UBTD2: variants seen among roughly 807,000 people sequenced by gnomAD.
UBTD2 encodes ubiquitin domain-containing protein 2.
Under a neutral mutation model 19.8 loss-of-function variants are expected in UBTD2, and 9 were observed. That is an observed-to-expected ratio of 0.46 (90% CI 0.27 to 0.79). The LOEUF (loss-of-function observed/expected upper bound fraction) is 0.79, where lower values mean the gene tolerates loss of function less well. UBTD2 is among the 30% of genes least tolerant of loss of function. UBTD2 has a pLI of 0.14. For synonymous variants in UBTD2, 98 were observed against 103.9 expected (o/e 0.94, Z 0.35); for missense variants, 250 against 300.4 (o/e 0.83, Z 1.24).
intron 2 of UBTD2, among the ~76,000 whole-genome samples, chr5:172,227,271 G>A (rs757388309): frequency 1.3e-5 from 2 of 152,170 alleles, no homozygotes; most frequent in Non-Finnish European, 2.9e-5. Flanking sequence ...CTAATTGAAG[G>A]AAAAGGTTGA....
At chr5:172,226,160 G>C (rs1454641292) in intron 2 of UBTD2, among the ~76,000 whole-genome samples, 1 of 152,064 alleles carries the variant, frequency 6.6e-6, no homozygotes, top group East Asian at 1.9e-4. Context: ...CTATGGCAAA[G>C]GAAAGCCTTA....
chr5:172,220,331 A>G (rs938853064), intron 2 of UBTD2, among the ~76,000 whole-genome samples: 3 of 152,218 alleles, frequency 2.0e-5, no homozygotes, highest in Non-Finnish European at 4.4e-5. Flanking sequence ...TTGATAAAGA[A>G]TATCTACAAA....
At chr5:172,254,656 CG>C in intron 1 of UBTD2, 1 of 603,794 alleles carries the variant, frequency 1.7e-6, no homozygotes. Flanking sequence ...TTCGAGTATC[CG>C]GGGATTCCAC....
Position 172,245,837 on chromosome 5 carries a change from C to T in UBTD2, c.71-11479G>A, listed in dbSNP as rs560747977. 5.9e-5 allele frequency among the ~76,000 whole-genome samples: 9 copies of T among 152,344 alleles called. No homozygotes were observed. In the East Asian group the frequency reaches 1.2e-3, roughly 20 times the overall value. ...GAAAAGTGAACTGACATCAGAACCA[C>T]TAGCAACAAAAGGAGAGGCAGAACA... On this transcript the variant is annotated intron_variant, in intron 1 of 2. Coordinates refer to ENST00000393792, the MANE Select transcript of UBTD2 (RefSeq NM_152277.3).
chr5:172,225,667 T>C (rs1456583053), intron 2 of UBTD2, among the ~76,000 whole-genome samples: 1 of 152,200 alleles, frequency 6.6e-6, no homozygotes, highest in Non-Finnish European at 1.5e-5. Context: ...TTTGTTATCT[T>C]GACTGTGGGG....
At chr5:172,230,959 AT>A (rs1286001787) in intron 2 of UBTD2, among the ~76,000 whole-genome samples, 1 of 151,954 alleles carries the variant, frequency 6.6e-6, no homozygotes, top group Non-Finnish European at 1.5e-5. Context: ...AATCCTTTGT[AT>A]TTTTAGTAGA....
intron 1 of UBTD2, among the ~76,000 whole-genome samples, chr5:172,279,402 TACTC>T (rs1755668725): frequency 6.6e-6 from 1 of 152,216 alleles, no homozygotes; most frequent in South Asian, 2.1e-4. Context: ...AAACCATTGT[TACTC>T]ACTGAGTAGG....
intron 2 of UBTD2, among the ~76,000 whole-genome samples, chr5:172,225,700 T>C (rs753657820): frequency 1.3e-5 from 2 of 152,216 alleles, no homozygotes; most frequent in African/African-American, 2.4e-5. Context: ...ATGTCAAAGC[T>C]GATCAAATTG....
chr5:172,224,524 C>G (rs1771722802), intron 2 of UBTD2, among the ~76,000 whole-genome samples: 1 of 152,112 alleles, frequency 6.6e-6, no homozygotes, highest in Non-Finnish European at 1.5e-5. Flanking sequence ...CTCCTGACTT[C>G]AAGTGACCTG....
chr5:172,272,457 C>A (rs985557352), intron 1 of UBTD2, among the ~76,000 whole-genome samples: 1 of 152,026 alleles, frequency 6.6e-6, no homozygotes, highest in African/African-American at 2.4e-5. Context: ...CAGTGGCCCC[C>A]CAAATGAAGA....
chr5:172,246,923 T>C (rs546984784), intron 1 of UBTD2, among the ~76,000 whole-genome samples: 4 of 151,588 alleles, frequency 2.6e-5, no homozygotes, highest in Non-Finnish European at 5.9e-5. Flanking sequence ...TCCCTGCTAA[T>C]TGTTGTATTT....
chr5:172,251,043 G>A (rs551197944), intron 1 of UBTD2, among the ~76,000 whole-genome samples: 8 of 151,652 alleles, frequency 5.3e-5, no homozygotes, highest in Non-Finnish European at 7.4e-5. Flanking sequence ...GGCCGGGCAC[G>A]GTAGCTCACG....
Position 172,223,137 on chromosome 5 carries a change from G to GA in UBTD2, c.308-10911dup, listed in dbSNP as rs532781913. ...CATGTAACTGGAAACTAGAATGACAGAAAAAAATAGATAATTTAGGGTTAC... is the reference window on the plus strand; with the variant it reads ...CATGTAACTGGAAACTAGAATGACAGAAAAAAAATAGATAATTTAGGGTTAC... On this transcript the variant is annotated intron_variant, in intron 2 of 2. Coordinates refer to ENST00000393792, the MANE Select transcript of UBTD2 (RefSeq NM_152277.3). Among the ~76,000 whole-genome samples the GA allele has an allele frequency of 2.6e-5, 4 of 152,072 alleles. No individual in the cohort carries two copies. In the South Asian group the frequency reaches 6.2e-4, roughly 24 times the overall value.
chr5:172,222,381 T>C lies in UBTD2; in HGVS notation c.308-10154A>G, dbSNP rs1771669209. Among the ~76,000 whole-genome samples the C allele has an allele frequency of 1.3e-5, 2 of 152,220 alleles. 1 individual carries two copies. Among genetic ancestry groups the C allele is most frequent in the South Asian group, 4.1e-4 (2 of 4,834 alleles). ...ATTCTTACATTCTAGAGTCACTGCA[T>C]AGACATTTACTGATCATCTTGAAGT... On this transcript the variant is annotated intron_variant, in intron 2 of 2. Coordinates refer to ENST00000393792, the MANE Select transcript of UBTD2 (RefSeq NM_152277.3).
chr5:172,218,799 A>AAAAAAAAAAAAAAAAAT (rs1561849260), intron 2 of UBTD2, among the ~76,000 whole-genome samples: 1 of 59,732 alleles, frequency 1.7e-5, no homozygotes, highest in African/African-American at 9.2e-5. Flanking sequence ...ATAAAAAAAT[A>AAAAAAAAAAAAAAAAAT]AAAAAAAAAA....
chr5:172,249,577 C>CA, intron 1 of UBTD2, among the ~76,000 whole-genome samples: 1 of 152,090 alleles, frequency 6.6e-6, no homozygotes, highest in Non-Finnish European at 1.5e-5. Flanking sequence ...ACGCAAAACC[C>CA]ATGCACAGTG....
At chr5:172,234,659 C>T (rs146121603) in intron 1 of UBTD2, among the ~76,000 whole-genome samples, 2 of 152,256 alleles carry the variant, frequency 1.3e-5, no homozygotes, top group African/African-American at 2.4e-5. Context: ...GTAATCCCAG[C>T]ACTTTGGGAG....
At chr5:172,274,774 C>A (rs1424258835) in intron 1 of UBTD2, among the ~76,000 whole-genome samples, 1 of 152,036 alleles carries the variant, frequency 6.6e-6, no homozygotes, top group African/African-American at 2.4e-5. Context: ...GGCGCGGTGG[C>A]TCATGCCTGT....
At chr5:172,265,544 T>C (rs766939182) in intron 1 of UBTD2, among the ~76,000 whole-genome samples, 8 of 152,202 alleles carry the variant, frequency 5.3e-5, no homozygotes, top group African/African-American at 9.6e-5. Context: ...TTAGCCAGGA[T>C]GGTCTCGATC....
Sources: allele counts gnomAD v4.1 joint callset (sites outside exome capture counted in the v4.1 genomes callset), GRCh38; gene constraint gnomAD v4.1.1; transcripts MANE v1.5; gene names NCBI Gene and HGNC (gene_info 2026-07-23, HGNC 2026-07-21).